MYO1E: variants seen among roughly 807,000 people sequenced by gnomAD.
MYO1E encodes the protein myosin IE.
A neutral mutation model predicts 151.1 loss-of-function variants in MYO1E; 68 were observed. That is an observed-to-expected ratio of 0.45 (90% CI 0.37 to 0.55). The LOEUF (loss-of-function observed/expected upper bound fraction) is 0.55, where lower values mean the gene tolerates loss of function less well. Ranked by LOEUF, MYO1E falls within the 20% of genes least tolerant of loss-of-function variation. The pLI is 0.00. For missense variants in MYO1E, 1,363 were observed against 1,389.3 expected (o/e 0.98, Z 0.30); for synonymous variants, 601 against 501.7 (o/e 1.20, Z -2.64).
intron 23 of MYO1E, among the ~76,000 whole-genome samples, chr15:59,161,823 GC>G (rs1344004924): frequency 6.6e-6 from 1 of 152,094 alleles, no homozygotes; most frequent in Non-Finnish European, 1.5e-5. Flanking sequence ...CTTCTATATT[GC>G]ATATATGCCT....
intron 15 of MYO1E, among the ~76,000 whole-genome samples, chr15:59,203,384 C>CTTTTTTTT: frequency 6.9e-6 from 1 of 144,408 alleles, no homozygotes; most frequent in Non-Finnish European, 1.5e-5. Flanking sequence ...AATATACTTT[C>CTTTTTTTT]TTTTTTTTTT....
chr15:59,166,311 T>C (rs1379026997), intron 22 of MYO1E, among the ~76,000 whole-genome samples: 1 of 152,228 alleles, frequency 6.6e-6, no homozygotes, highest in Non-Finnish European at 1.5e-5. Context: ...ATCTTTGGAC[T>C]TCACCCCTGA....
In MYO1E at chr15:59,261,620, T is replaced by C; in HGVS notation, c.148-111A>G. On this transcript the variant is annotated intron_variant, in intron 2 of 27. Transcript: ENST00000288235. ...ACAATGACTGTCCAAGTGGAAAGTT[T>C]GTGTACTTGTTTTCTAAAAGATTAC... is the stretch of plus-strand genomic sequence containing the variant. 3 of 749,112 alleles carry C rather than the reference T, an allele frequency of 4.0e-6. No homozygotes were observed. In the Admixed American group the frequency reaches 6.0e-5, roughly 15 times the overall value. 46.4% of individuals were successfully genotyped at this position (749,112 alleles called of 1,614,324 possible).
intron 12 of MYO1E, among the ~76,000 whole-genome samples, chr15:59,211,696 T>G (rs1483014244): frequency 6.6e-6 from 1 of 152,138 alleles, no homozygotes; most frequent in Non-Finnish European, 1.5e-5. Context: ...CAGTAAACAG[T>G]GTCACCATCG....
intron 22 of MYO1E, among the ~76,000 whole-genome samples, chr15:59,169,821 C>T (rs2079581856): frequency 1.3e-5 from 2 of 152,174 alleles, no homozygotes; most frequent in South Asian, 4.1e-4. Flanking sequence ...ACAACCCCCT[C>T]AAGGACTTAT....
chr15:59,324,286 A>T (rs1350884546), intron 1 of MYO1E, among the ~76,000 whole-genome samples: 2 of 152,264 alleles, frequency 1.3e-5, no homozygotes, highest in East Asian at 3.9e-4. Context: ...CCGTTAAGAG[A>T]GAATATGTTT....
chr15:59,205,509 G>GAACAAAATGT (rs2079827811), intron 14 of MYO1E, 24 bp from the exon 15 acceptor site: 4 of 1,531,050 alleles, frequency 2.6e-6, no homozygotes, highest in East Asian at 2.2e-5. Context: ...GAAAGAAATC[G>GAACAAAATGT]AATTTCATTG....
chr15:59,190,958 G>T (rs1002065180), intron 17 of MYO1E, among the ~76,000 whole-genome samples: 1 of 152,092 alleles, frequency 6.6e-6, no homozygotes, highest in African/African-American at 2.4e-5. Context: ...AAAGGTACAA[G>T]AATAGGAAAG....
intron 18 of MYO1E, among the ~76,000 whole-genome samples, chr15:59,186,960 T>C (rs2079702128): frequency 6.6e-6 from 1 of 152,186 alleles, no homozygotes; most frequent in Admixed American, 6.5e-5. Flanking sequence ...AAATACATGT[T>C]AAGGGATATA....
At chr15:59,185,846 C>G (rs2079693592) in intron 18 of MYO1E, among the ~76,000 whole-genome samples, 1 of 152,232 alleles carries the variant, frequency 6.6e-6, no homozygotes, top group Non-Finnish European at 1.5e-5. Flanking sequence ...AGGTACACTA[C>G]TGGCATCTAG....
chr15:59,150,795 G>A (rs1473530555), intron 26 of MYO1E, among the ~76,000 whole-genome samples: 3 of 152,146 alleles, frequency 2.0e-5, no homozygotes, highest in African/African-American at 4.8e-5. Flanking sequence ...ACCTGGGAAC[G>A]TGGTACAAAT....
rs1298779942 is a variant in MYO1E, at chr15:59,132,527, A to G, written c.*4853T>C. The G allele has an allele frequency of 1.3e-5, 2 of 152,218 alleles. No homozygotes were observed. The highest frequency in any genetic ancestry group is 2.9e-5 in the Non-Finnish European group (2 of 68,046). The allele number at this position is 152,218 out of a possible 1,614,324, so 9.4% of individuals were successfully genotyped here. ...TGTCATAAAAAAAGACCTTTAAGAT[A>G]CTTTCTTAGATGGCACAGCAGGCAC... is the stretch of plus-strand genomic sequence containing the variant. On this transcript the variant is annotated 3_prime_UTR_variant, in exon 28 of 28. Transcript: ENST00000288235.
In MYO1E at chr15:59,222,985, A is replaced by G. The variant is rs542802851; in HGVS notation, c.910+74T>C. On this transcript the variant is annotated intron_variant, in intron 9 of 27. Coordinates refer to ENST00000288235, the MANE Select transcript of MYO1E (RefSeq NM_004998.4). ...AATATTCCCATTTGAGATCTAAGCA[A>G]AGGAAAGTGCTAGGTTACTTCTAAT... The G allele has an allele frequency of 3.2e-5, 51 of 1,594,386 alleles. No individual in the cohort carries two copies. The South Asian group carries it at 5.4e-4, about 17-fold the overall frequency.
chr15:59,323,569 T>G (rs2080642215), intron 1 of MYO1E, among the ~76,000 whole-genome samples: 1 of 150,846 alleles, frequency 6.6e-6, no homozygotes, highest in Non-Finnish European at 1.5e-5. Context: ...GGCAGGAGAA[T>G]GGCATGACCC....
intron 1 of MYO1E, among the ~76,000 whole-genome samples, chr15:59,349,511 A>G (rs2080812177): frequency 1.3e-5 from 2 of 151,986 alleles, no homozygotes; most frequent in Admixed American, 6.5e-5. Context: ...TAAATTACCC[A>G]GCGAGTTAGG....
At chr15:59,368,339 G>A (rs1253836834) in intron 1 of MYO1E, among the ~76,000 whole-genome samples, 1 of 152,162 alleles carries the variant, frequency 6.6e-6, no homozygotes, top group African/African-American at 2.4e-5. Context: ...CCACTGGCCG[G>A]GCACAGTGGC....
At chr15:59,239,492 G>A (rs1365031790) in intron 4 of MYO1E, among the ~76,000 whole-genome samples, 3 of 151,492 alleles carry the variant, frequency 2.0e-5, no homozygotes, top group Non-Finnish European at 2.9e-5. Flanking sequence ...ATATAAAGGG[G>A]AATTTATTAA....
chr15:59,230,251 T>TGTGTGTGTGTGC (rs1265815582), intron 6 of MYO1E, among the ~76,000 whole-genome samples: 1 of 151,660 alleles, frequency 6.6e-6, no homozygotes, highest in African/African-American at 2.4e-5. Context: ...TGTGTGTGTG[T>TGTGTGTGTGTGC]GTGCAGGTGA....
At chr15:59,225,760 C>A (rs1347414191) in intron 7 of MYO1E, among the ~76,000 whole-genome samples, 2 of 151,848 alleles carry the variant, frequency 1.3e-5, no homozygotes, top group Admixed American at 6.6e-5. Flanking sequence ...CATTCTCCTG[C>A]CTCAGCCTCC....
Sources: gnomAD v4.1 joint callset for allele counts (sites outside exome capture counted in the v4.1 genomes callset) on GRCh38, gnomAD v4.1.1 for gene constraint, MANE v1.5 for transcripts, NCBI Gene and HGNC (gene_info 2026-07-23, HGNC 2026-07-21) for gene names.